The following XKR6 variants were observed in gnomAD, a reference collection of about 807,000 sequenced individuals.
XKR6 encodes XK-related protein 6.
In XKR6, 22 loss-of-function variants were observed where a neutral mutation model predicts 56.7. The ratio of observed to expected loss-of-function variants is 0.39; its 90% CI spans 0.28 to 0.55. The LOEUF is 0.55. Ranked by LOEUF, XKR6 falls within the 20% of genes least tolerant of loss-of-function variation. XKR6 has a pLI of 0.66. For missense variants in XKR6, 852 were observed against 889.0 expected, an observed-to-expected ratio of 0.96 and a Z score of 0.53; for synonymous variants, 524 against 387.8, an observed-to-expected ratio of 1.35 and a Z score of -4.13.
rs575121800 is a variant in XKR6 at position 10,946,914 on chromosome 8, A to G, written c.765-22084T>C. 1.2e-4 allele frequency among the ~76,000 whole-genome samples: 19 copies of G among 152,292 alleles called. 1 individual carries two copies. The highest frequency in any genetic ancestry group is 4.1e-4 in the African/African-American group (17 of 41,570). ...AGAGTTCACCAAGCAGCTAAGGGAA[A>G]GAGGGTGCTCCAGGTAGACAGTTCC... On this transcript the variant is annotated intron_variant, in intron 1 of 2. Transcript: ENST00000416569.
At chr8:11,025,465 C>G (rs1042874111) in intron 1 of XKR6, among the ~76,000 whole-genome samples, 1 of 152,238 alleles carries the variant, frequency 6.6e-6, no homozygotes, top group Middle Eastern at 3.4e-3. Context: ...GAGGGGTTGC[C>G]AATGGGATAG....
chr8:11,182,943 CT>C (rs955338568), intron 1 of XKR6, among the ~76,000 whole-genome samples: 1 of 152,226 alleles, frequency 6.6e-6, no homozygotes, highest in South Asian at 2.1e-4. Flanking sequence ...CTCCACGGCC[CT>C]TTTGTAAGTG....
chr8:10,960,342 C>T (rs1490679413), intron 1 of XKR6, among the ~76,000 whole-genome samples: 1 of 152,092 alleles, frequency 6.6e-6, no homozygotes, highest in African/African-American at 2.4e-5. Flanking sequence ...CTCTCAAGCC[C>T]GTTAACCCAT....
At chr8:11,167,046 T>C (rs1309155889) in intron 1 of XKR6, among the ~76,000 whole-genome samples, 1 of 152,150 alleles carries the variant, frequency 6.6e-6, no homozygotes, top group Non-Finnish European at 1.5e-5. Flanking sequence ...GAAAGGCTTC[T>C]GTGGGTTTTT....
At chr8:10,959,875 G>A (rs1355889138) in intron 1 of XKR6, among the ~76,000 whole-genome samples, 1 of 152,192 alleles carries the variant, frequency 6.6e-6, no homozygotes, top group African/African-American at 2.4e-5. Context: ...GTGGGAAGTG[G>A]TTCTCCTTCC....
intron 1 of XKR6, among the ~76,000 whole-genome samples, chr8:10,993,780 C>A (rs1402524200): frequency 6.6e-6 from 1 of 152,220 alleles, no homozygotes; most frequent in East Asian, 1.9e-4. Context: ...TAGAATATTT[C>A]TGTTGTGGCT....
At chr8:11,173,806 G>C (rs1802507663) in intron 1 of XKR6, among the ~76,000 whole-genome samples, 2 of 152,106 alleles carry the variant, frequency 1.3e-5, no homozygotes, top group Admixed American at 6.5e-5. Context: ...GAGAACCAGT[G>C]TGTGACTGCC....
At chr8:10,961,878 C>T (rs947235951) in intron 1 of XKR6, among the ~76,000 whole-genome samples, 3 of 152,206 alleles carry the variant, frequency 2.0e-5, no homozygotes, top group African/African-American at 7.2e-5. Context: ...GGTCCTTCCA[C>T]CACCTGAGAG....
chr8:11,137,732 C>G, intron 1 of XKR6: 1 of 456,142 alleles, frequency 2.2e-6, no homozygotes, highest in Non-Finnish European at 4.4e-6. Context: ...AAGAAGAAAA[C>G]CAGTTGGCTC....
intron 1 of XKR6, among the ~76,000 whole-genome samples, chr8:10,996,073 G>A (rs1175473942): frequency 6.6e-6 from 1 of 151,758 alleles, no homozygotes; most frequent in Non-Finnish European, 1.5e-5. Flanking sequence ...GATTCATATA[G>A]ATATAAATGG....
At chr8:11,073,413 G>T (rs774011641) in intron 1 of XKR6, among the ~76,000 whole-genome samples, 2 of 152,136 alleles carry the variant, frequency 1.3e-5, no homozygotes, top group Non-Finnish European at 2.9e-5. Flanking sequence ...AGGAGAAGAA[G>T]ACCTGTATAT....
At chr8:11,120,180 G>C (rs920610573) in intron 1 of XKR6, among the ~76,000 whole-genome samples, 1 of 152,158 alleles carries the variant, frequency 6.6e-6, no homozygotes, top group African/African-American at 2.4e-5. Context: ...TGGAAGTTCT[G>C]GCCAGGGCAA....
chr8:11,148,364 G>C (rs1364220623), intron 1 of XKR6, among the ~76,000 whole-genome samples: 2 of 152,208 alleles, frequency 1.3e-5, no homozygotes, highest in Non-Finnish European at 2.9e-5. Flanking sequence ...ATGTAACAAG[G>C]CAGGTGGAGG....
In XKR6 at chr8:10,931,332, T is replaced by C. The variant is rs1801044053; in HGVS notation, c.765-6502A>G. Among the ~76,000 whole-genome samples, 3 of 152,284 alleles carry C rather than the reference T, an allele frequency of 2.0e-5. No individual in the cohort carries two copies. In the South Asian group the frequency reaches 6.2e-4, roughly 32 times the overall value. On this transcript the variant is annotated intron_variant, in intron 1 of 2. Transcript: ENST00000416569. ...TGTTCAGGGATTGGAAGATGCAATA[T>C]AGTAAGATGACAATTGCCCTCAAAT...
At chr8:10,950,211 G>GCTCCTA (rs1286778148) in intron 1 of XKR6, among the ~76,000 whole-genome samples, 59 of 152,230 alleles carry the variant, frequency 3.9e-4, no homozygotes, top group African/African-American at 1.4e-3. Flanking sequence ...CTCACCTCCT[G>GCTCCTA]CTGCCATTAC....
At chr8:11,139,896 C>A (rs1189762576) in intron 1 of XKR6, among the ~76,000 whole-genome samples, 2 of 152,208 alleles carry the variant, frequency 1.3e-5, no homozygotes, top group African/African-American at 4.8e-5. Flanking sequence ...GGAAAGCACA[C>A]TGAAGAAAAT....
At position 11,132,372 on chromosome 8, in the gene XKR6, T is replaced by G. The variant is rs568936309; in HGVS notation, c.764+68204A>C. Among the ~76,000 whole-genome samples, 20 of 152,048 alleles carry G rather than the reference T, an allele frequency of 1.3e-4. 2 individuals are homozygous for G. The highest frequency in any genetic ancestry group is 8.5e-4 in the Admixed American group (13 of 15,280). On this transcript the variant is annotated intron_variant, in intron 1 of 2. Coordinates refer to ENST00000416569, the MANE Select transcript of XKR6 (RefSeq NM_173683.4). ...CTTTCTTTTTCTTTTTCTTTTTTTT[T>G]CCCCCAGACGGAATCTTGCTCTGTC...
chr8:11,140,399 G>C (rs28628125), intron 1 of XKR6, among the ~76,000 whole-genome samples: 23 of 152,258 alleles, frequency 1.5e-4, no homozygotes, highest in African/African-American at 5.3e-4. Flanking sequence ...TTTGGGTATC[G>C]AGGCAAAAAG....
rs1227064326 is a variant in XKR6, at chr8:11,059,401, G to A, written c.765-134571C>T. Among the ~76,000 whole-genome samples the A allele has an allele frequency of 3.9e-5, 6 of 152,228 alleles. No individual in the cohort carries two copies. In the East Asian group the frequency reaches 5.8e-4, roughly 15 times the overall value. Reference sequence around the variant, plus strand: ...CCCAGCGAACTGGAGCCGGGCTGGCGCCCGAAGGGAGTCCCCGGCCGAGGG... The same window carrying A: ...CCCAGCGAACTGGAGCCGGGCTGGCACCCGAAGGGAGTCCCCGGCCGAGGG... On this transcript the variant is annotated intron_variant, in intron 1 of 2. Coordinates refer to ENST00000416569, the MANE Select transcript of XKR6 (RefSeq NM_173683.4).
Sources: allele counts gnomAD v4.1 joint callset (sites outside exome capture counted in the v4.1 genomes callset), GRCh38; gene constraint gnomAD v4.1.1; transcripts MANE v1.5; gene names NCBI Gene and HGNC (gene_info 2026-07-23, HGNC 2026-07-21).